Variants in THAP4 observed in about 807,000 individuals in gnomAD.
THAP4 encodes peroxynitrite isomerase THAP4.
Under a neutral mutation model 48.1 loss-of-function variants are expected in THAP4, and 18 were observed. The observed-to-expected ratio is 0.37, with a 90% CI of 0.26 to 0.56. THAP4 has a LOEUF of 0.56. Among genes scored for constraint, THAP4 ranks in the 20% least tolerant of loss-of-function variants. The pLI, the probability that THAP4 is intolerant of heterozygous loss-of-function variation, is 0.78. For missense variants in THAP4, 656 were observed against 774.9 expected, an observed-to-expected ratio of 0.85 and a Z score of 1.82; for synonymous variants, 345 against 324.9, an observed-to-expected ratio of 1.06 and a Z score of -0.66.
chr2:241,590,030 CGAT>C (rs1301297121), intron 5 of THAP4, among the ~76,000 whole-genome samples: 15 of 82,358 alleles, frequency 1.8e-4, no homozygotes, highest in African/African-American at 3.0e-4. Context: ...GCTCGGCTGA[CGAT>C]GACGGGCACT....
rs2067113720 is a variant in THAP4, at chr2:241,601,604, A to G, written c.1614+292T>C. ...CCAGCAATTTAACTGGGAAAAATTT[A>G]TCAATAGATATGGATATATCTGTAA... On this transcript the variant is annotated intron_variant, in intron 5 of 5. Transcript: ENST00000407315. This position sits in a 1 kb window ranked among gnomAD's most constrained non-coding sequence, Gnocchi z 4.0. Among the ~76,000 whole-genome samples the G allele has an allele frequency of 6.6e-6, 1 of 152,190 alleles. No homozygotes were observed. The highest frequency in any genetic ancestry group is 6.5e-5 in the Admixed American group (1 of 15,282).
Position 241,630,775 on chromosome 2 carries a change from G to A in THAP4, c.1240+2142C>T, listed in dbSNP as rs866488633. Among the ~76,000 whole-genome samples the A allele has an allele frequency of 3.3e-4, 47 of 142,924 alleles. No individual in the cohort carries two copies. In the South Asian group the frequency reaches 7.1e-3, roughly 22 times the overall value. 93.8% of individuals were successfully genotyped at this position (142,924 alleles called of 152,430 possible). ...GCCTGGGCAACAAGAGCAAAACTCC[G>A]TCTCAAAAAAAAAAAAAAAAAATTC... is the stretch of plus-strand genomic sequence containing the variant. On this transcript the variant is annotated intron_variant, in intron 2 of 5. Coordinates refer to ENST00000407315, the MANE Select transcript of THAP4 (RefSeq NM_015963.6).
intron 5 of THAP4, among the ~76,000 whole-genome samples, chr2:241,595,069 G>A (rs1005011866): frequency 1.3e-5 from 2 of 152,136 alleles, no homozygotes; most frequent in Non-Finnish European, 2.9e-5. Flanking sequence ...CTGGAGTGCA[G>A]TGGCGCCATC....
At position 241,633,265 on chromosome 2, in the gene THAP4, G is replaced by C. The variant is rs780240042; in HGVS notation, c.892C>G (p.Gln298Glu). Reference protein sequence around the residue: ...SLTATPQKPSQSPSAPPADVT... With the variant: ...SLTATPQKPSESPSAPPADVT... ...TCGGCAGGAGGGGCAGAGGGGCTCT[G>C]GGAAGGCTTCTGCGGTGTCGCGGTA... The change falls in exon 2 of 6, where the codon CAG becomes GAG. Residue 298 changes from glutamine (Q) to glutamate (E), a missense_variant. Gln to Glu is a conservative substitution (Grantham distance 29). This residue lies in a region of THAP4 where 391 missense variants were observed against 412.4 expected (regional missense o/e 0.95). Coordinates refer to ENST00000407315, the MANE Select transcript of THAP4 (RefSeq NM_015963.6). This position sits in a 1 kb window ranked among gnomAD's most constrained non-coding sequence, Gnocchi z 7.5. 6.2e-7 allele frequency: 1 copy of C among 1,611,484 alleles called. No individual in the cohort carries two copies. Among genetic ancestry groups the C allele is most frequent in the Admixed American group, 1.7e-5 (1 of 59,968 alleles).
At chr2:241,624,068 C>T (rs890136028) in intron 2 of THAP4, among the ~76,000 whole-genome samples, 33 of 152,310 alleles carry the variant, frequency 2.2e-4, no homozygotes, top group African/African-American at 7.9e-4. Flanking sequence ...CAGCCTCTGC[C>T]CCACCTGGCT....
At chr2:241,614,792 G>A (rs997771900) in intron 2 of THAP4, among the ~76,000 whole-genome samples, 1 of 152,150 alleles carries the variant, frequency 6.6e-6, no homozygotes, top group African/African-American at 2.4e-5. Flanking sequence ...GGGAGGCTGA[G>A]GCAGGAGAAT....
At chr2:241,627,284 A>G (rs1187169319) in intron 2 of THAP4, among the ~76,000 whole-genome samples, 1 of 152,242 alleles carries the variant, frequency 6.6e-6, no homozygotes, top group East Asian at 1.9e-4. Context: ...ATGAATCCAT[A>G]AAGGAATAAA....
At chr2:241,632,498 TC>T (rs2125099552) in intron 2 of THAP4, among the ~76,000 whole-genome samples, 1 of 152,348 alleles carries the variant, frequency 6.6e-6, no homozygotes, top group South Asian at 2.1e-4. Context: ...AGAAAGAACC[TC>T]CTCATGATTT....
chr2:241,627,792 C>T lies in THAP4; in HGVS notation c.1240+5125G>A, dbSNP rs151321481. Reference sequence around the variant, plus strand: ...GGATGTCCTCTCCCCACCACACCCTCGCTCCTGCCACCCCTGTGCCCACAC... The same window carrying T: ...GGATGTCCTCTCCCCACCACACCCTTGCTCCTGCCACCCCTGTGCCCACAC... On this transcript the variant is annotated intron_variant, in intron 2 of 5. Transcript: ENST00000407315. 2.9e-3 allele frequency among the ~76,000 whole-genome samples: 441 copies of T among 152,298 alleles called. 2 individuals carry two copies. The highest frequency in any genetic ancestry group is 9.1e-3 in the African/African-American group (377 of 41,560).
intron 3 of THAP4, among the ~76,000 whole-genome samples, chr2:241,605,510 A>G (rs6747185): frequency 0.15 from 23,380 of 152,120 alleles, 2,015 homozygotes; most frequent in Middle Eastern, 0.27. Context: ...CTACACTGCT[A>G]TCTCCCTAAA....
rs1239498980 is a variant in THAP4 at position 241,633,892 on chromosome 2, C to T, written c.265G>A (p.Glu89Lys). 8 of 1,613,876 alleles carry T rather than the reference C, an allele frequency of 5.0e-6. No homozygotes were observed. The highest frequency in any genetic ancestry group is 2.7e-5 in the African/African-American group (2 of 74,912). Residue 89 changes from glutamate to lysine, a missense_variant, in exon 2 of 6, where the codon GAG (glutamate) becomes AAG (lysine). Coordinates refer to ENST00000407315, the MANE Select transcript of THAP4 (RefSeq NM_015963.6). The surrounding 1 kb of genome is among the most constrained non-coding windows in gnomAD (Gnocchi z 7.5). ...TGGCCTCCAGCCCCCCTCTTCTTCT[C>T]GGTCAGGTGGAAGATGGATGGCACG... ...TAVPSIFHLT[E>K]KKRGAGGHGR...
At position 241,602,038 on chromosome 2, in the gene THAP4, C is replaced by G. The variant is rs376979499; in HGVS notation, c.1511-39G>C. 9 of 1,594,942 alleles carry G rather than the reference C, an allele frequency of 5.6e-6. No individual in the cohort carries two copies. The South Asian group carries it at 1.0e-4, about 18-fold the overall frequency. On this transcript the variant is annotated intron_variant, in intron 4 of 5. Coordinates refer to ENST00000407315, the MANE Select transcript of THAP4 (RefSeq NM_015963.6). ...GCAGTCAGCTCACCCAGCAGCTGCT[C>G]GGCTTGCAGAGAGGCAGCCTTGACT...
chr2:241,637,062 G>T lies in THAP4; in HGVS notation c.-45C>A, dbSNP rs1476984322. The T allele has an allele frequency of 1.8e-6, 2 of 1,103,462 alleles. No individual in the cohort carries two copies. The highest frequency in any genetic ancestry group is 2.2e-6 in the Non-Finnish European group (2 of 899,708). 68.4% of individuals were successfully genotyped at this position (1,103,462 alleles called of 1,614,324 possible). ...GCGCAGCCAGGCCCCGGCCCTAGCC[G>T]CCCGCCCGCCCGCGGACCGCCCCGA... is the stretch of plus-strand genomic sequence containing the variant. On this transcript the variant is annotated 5_prime_UTR_variant, in exon 1 of 6. Coordinates refer to ENST00000407315, the MANE Select transcript of THAP4 (RefSeq NM_015963.6).
intron 5 of THAP4, among the ~76,000 whole-genome samples, chr2:241,587,581 C>T (rs866405989): frequency 3.9e-5 from 6 of 152,004 alleles, no homozygotes; most frequent in South Asian, 2.1e-4. Context: ...TATACTGGGG[C>T]GTAAAATAAG....
In THAP4 at chr2:241,637,075, C is replaced by A; in HGVS notation, c.-58G>T. 4.6e-6 allele frequency: 5 copies of A among 1,075,824 alleles called. No homozygotes were observed. Among genetic ancestry groups the A allele is most frequent in the Non-Finnish European group, 5.6e-6 (5 of 887,426 alleles). 66.6% of individuals were successfully genotyped at this position (1,075,824 alleles called of 1,614,324 possible). ...CCGGCCCTAGCCGCCCGCCCGCCCG[C>A]GGACCGCCCCGAGGGAGGGAGCGCG... On this transcript the variant is annotated 5_prime_UTR_variant, in exon 1 of 6. Coordinates refer to ENST00000407315, the MANE Select transcript of THAP4 (RefSeq NM_015963.6).
At chr2:241,625,061 T>C (rs1358381252) in intron 2 of THAP4, among the ~76,000 whole-genome samples, 1 of 152,166 alleles carries the variant, frequency 6.6e-6, no homozygotes, top group African/African-American at 2.4e-5. Flanking sequence ...GCTAGCTTCA[T>C]TGGTGGATTT....
chr2:241,610,219 G>T lies in THAP4; in HGVS notation c.1241-3746C>A, dbSNP rs959519983. Among the ~76,000 whole-genome samples the T allele has an allele frequency of 2.6e-5, 4 of 152,184 alleles. No homozygotes were observed. Among genetic ancestry groups the T allele is most frequent in the Admixed American group, 2.6e-4 (4 of 15,280 alleles). On this transcript the variant is annotated intron_variant, in intron 2 of 5. Coordinates refer to ENST00000407315, the MANE Select transcript of THAP4 (RefSeq NM_015963.6). This position sits in a 1 kb window ranked among gnomAD's most constrained non-coding sequence, Gnocchi z 4.2. ...GGACAGCCCCGGGCTAGGGTGAGGGGCACGCGCCGCAAGTCCTGCCTCTGC... is the reference window on the plus strand; with the variant it reads ...GGACAGCCCCGGGCTAGGGTGAGGGTCACGCGCCGCAAGTCCTGCCTCTGC...
At chr2:241,626,765 T>C (rs1042917653) in intron 2 of THAP4, among the ~76,000 whole-genome samples, 15 of 152,146 alleles carry the variant, frequency 9.9e-5, no homozygotes, top group African/African-American at 3.6e-4. Context: ...GGCTTCACCC[T>C]GTTGGCCAGG....
chr2:241,590,472 G>T lies in THAP4; in HGVS notation c.1615-5747C>A, dbSNP rs371825671. Among the ~76,000 whole-genome samples the T allele has an allele frequency of 3.3e-5, 5 of 149,486 alleles. No homozygotes were observed. In the East Asian group the frequency reaches 6.0e-4, roughly 18 times the overall value. On this transcript the variant is annotated intron_variant, in intron 5 of 5. Transcript: ENST00000407315. ...GCTCGGCTGATGATAATGGGCACTAGGACACTCAGAGCTGCTCGGCTGATG... is the reference window on the plus strand; with the variant it reads ...GCTCGGCTGATGATAATGGGCACTATGACACTCAGAGCTGCTCGGCTGATG...
Sources: allele counts gnomAD v4.1 joint callset (sites outside exome capture counted in the v4.1 genomes callset), GRCh38; gene constraint gnomAD v4.1.1; regional missense constraint gnomAD v4.1.1; non-coding constraint Gnocchi (gnomAD v3.1); transcripts MANE v1.5; gene names NCBI Gene and HGNC (gene_info 2026-07-23, HGNC 2026-07-21).